TMPRSS6: variants seen among roughly 807,000 people sequenced by gnomAD.
The protein encoded by TMPRSS6 is transmembrane protease serine 6.
Under a neutral mutation model 101.5 loss-of-function variants are expected in TMPRSS6, and 67 were observed. That is an observed-to-expected ratio of 0.66 (90% CI 0.54 to 0.81). The LOEUF (loss-of-function observed/expected upper bound fraction) is 0.81. Ranked by LOEUF, TMPRSS6 falls within the 30% of genes least tolerant of loss-of-function variation. The probability of loss-of-function intolerance (pLI) is 0.00; values close to 1 mark genes in which losing one functional copy is unlikely to be tolerated. For missense variants in TMPRSS6, 1,034 were observed against 1,088.7 expected (o/e 0.95, Z 0.71); for synonymous variants, 453 against 464.9 (o/e 0.97, Z 0.33).
At position 37,103,558 on chromosome 22, in the gene TMPRSS6, A is replaced by G. The variant is rs772065144; in HGVS notation, c.-1-140T>C. The G allele has an allele frequency of 5.6e-6, 9 of 1,613,882 alleles. No individual in the cohort carries two copies. In the South Asian group the frequency reaches 9.9e-5, roughly 18 times the overall value. Reference sequence around the variant, plus strand: ...ACAACATCAGGCGGCAGTGACTGCAAGTGGGTGCCGAGACAGCTCACAGAG... The same window carrying G: ...ACAACATCAGGCGGCAGTGACTGCAGGTGGGTGCCGAGACAGCTCACAGAG... On this transcript the variant is annotated intron_variant, in intron 1 of 17. Coordinates refer to ENST00000676104, the MANE Select transcript of TMPRSS6 (RefSeq NM_001374504.1). The surrounding 1 kb of genome is among the most constrained non-coding windows in gnomAD (Gnocchi z 4.4).
chr22:37,108,070 TC>T (rs1173418866), intron 1 of TMPRSS6, among the ~76,000 whole-genome samples: 1 of 152,170 alleles, frequency 6.6e-6, no homozygotes, highest in African/African-American at 2.4e-5. Flanking sequence ...CCTCCTTTTT[TC>T]CCACCCTCTC....
rs927662747 is a variant in TMPRSS6 at position 37,103,820 on chromosome 22, G to A, written c.-1-402C>T. ...CCTCTTGCCCTCATTTCCCGTCCAC[G>A]CAAGGAATGCTGTTTCTTGCTCCTG... On this transcript the variant is annotated intron_variant, in intron 1 of 17. Coordinates refer to ENST00000676104, the MANE Select transcript of TMPRSS6 (RefSeq NM_001374504.1). This position sits in a 1 kb window ranked among gnomAD's most constrained non-coding sequence, Gnocchi z 4.4. 2.0e-5 allele frequency among the ~76,000 whole-genome samples: 3 copies of A among 152,096 alleles called. No homozygotes were observed. Among genetic ancestry groups the A allele is most frequent in the Admixed American group, 1.3e-4 (2 of 15,270 alleles).
In TMPRSS6 at chr22:37,103,353, G is replaced by A. The variant is rs200558933; in HGVS notation, c.65C>T (p.Ala22Val). The change falls in exon 2 of 18, where the codon GCG becomes GTG. Residue 22 changes from alanine to valine, a missense_variant. Physicochemically the swap from Ala to Val is moderately conservative, Grantham distance 64 (BLOSUM62 0). Coordinates refer to ENST00000676104, the MANE Select transcript of TMPRSS6 (RefSeq NM_001374504.1). The surrounding 1 kb of genome is among the most constrained non-coding windows in gnomAD (Gnocchi z 4.4). ...GGCCTTGAACATCCCCTCCGGCTCC[G>A]CTTCCTCGCCATCACCTCCGTCCCC... ...GQGDGGDGEEAEPEGMFKACE... is the reference protein window; with the variant it reads ...GQGDGGDGEEVEPEGMFKACE... 5.3e-5 allele frequency: 85 copies of A among 1,614,172 alleles called. 2 individuals are homozygous for A. Among genetic ancestry groups the A allele is most frequent in the South Asian group, 4.0e-4 (36 of 91,082 alleles).
chr22:37,100,458 G>A (rs1399915077), intron 2 of TMPRSS6, among the ~76,000 whole-genome samples: 1 of 152,220 alleles, frequency 6.6e-6, no homozygotes, highest in Non-Finnish European at 1.5e-5. Context: ...GAGAGGGTGG[G>A]AAGTGATTGG....
At chr22:37,106,264 G>A (rs1485371934) in intron 1 of TMPRSS6, among the ~76,000 whole-genome samples, 1 of 152,000 alleles carries the variant, frequency 6.6e-6, no homozygotes, top group Non-Finnish European at 1.5e-5. Context: ...TGATCACTGA[G>A]CCCTACTACC....
At chr22:37,086,133 G>A (rs954823493) in intron 8 of TMPRSS6, 150 bp downstream of exon 8, 8 of 1,015,214 alleles carry the variant, frequency 7.9e-6, no homozygotes, top group African/African-American at 1.6e-5. Context: ...GGGCCGGGGT[G>A]GGGAGTGGAG....
rs1258486788 is a variant in TMPRSS6 at position 37,096,801 on chromosome 22, C to T, written c.337-86G>A. The T allele has an allele frequency of 1.5e-5, 19 of 1,301,642 alleles. 1 individual carries two copies. The highest frequency in any genetic ancestry group is 2.5e-5 in the East Asian group (1 of 39,642). The allele number at this position is 1,301,642 out of a possible 1,614,324, so 80.6% of individuals were successfully genotyped here. On this transcript the variant is annotated intron_variant, in intron 3 of 17. Coordinates refer to ENST00000676104, the MANE Select transcript of TMPRSS6 (RefSeq NM_001374504.1). ...TACCTGGAGGTGCCCTTTGCTCCTA[C>T]TGGCAGCCCCGCTCCATGCATGATT...
At position 37,103,294 on chromosome 22, in the gene TMPRSS6, G is replaced by A. The variant is rs747170531; in HGVS notation, c.124C>T (p.Leu42Phe). The A allele has an allele frequency of 3.7e-6, 6 of 1,614,184 alleles. No homozygotes were observed. Among genetic ancestry groups the A allele is most frequent in the Non-Finnish European group, 5.1e-6 (6 of 1,180,014 alleles). Reference protein sequence around the residue: ...EDSKRKARGYLRLVPLFVLLA... With the variant: ...EDSKRKARGYFRLVPLFVLLA... Reference sequence around the variant, plus strand: ...AGCACAAACAGGGGCACCAGGCGGAGGTAGCCCCGGGCTTTTCTCTTGGAG... The same window carrying A: ...AGCACAAACAGGGGCACCAGGCGGAAGTAGCCCCGGGCTTTTCTCTTGGAG... Residue 42 changes from leucine to phenylalanine, a missense_variant, in exon 2 of 18, where the codon CTC becomes TTC. Physicochemically the swap from Leu to Phe is conservative, Grantham distance 22. Coordinates refer to ENST00000676104, the MANE Select transcript of TMPRSS6 (RefSeq NM_001374504.1). The surrounding 1 kb of genome is among the most constrained non-coding windows in gnomAD (Gnocchi z 4.4).
chr22:37,077,606 C>T (rs1927784740), intron 10 of TMPRSS6, among the ~76,000 whole-genome samples: 2 of 152,154 alleles, frequency 1.3e-5, no homozygotes, highest in South Asian at 4.2e-4. Context: ...GAGGCAGATT[C>T]GAAGGTCCCG....
intron 10 of TMPRSS6, among the ~76,000 whole-genome samples, chr22:37,081,174 C>CACAAGCT (rs1046813535): frequency 1.3e-5 from 2 of 152,256 alleles, no homozygotes; most frequent in African/African-American, 2.4e-5. Context: ...TCAGCTTGTG[C>CACAAGCT]CTGCCCAGAG....
upstream of TMPRSS6, among the ~76,000 whole-genome samples, chr22:37,110,303 C>T (rs923605679): frequency 6.6e-6 from 1 of 152,006 alleles, no homozygotes; most frequent in South Asian, 2.1e-4. Flanking sequence ...CCACCATGCC[C>T]GGCTAATTTT....
chr22:37,071,297 C>G (rs900485931), intron 13 of TMPRSS6, among the ~76,000 whole-genome samples: 2 of 152,104 alleles, frequency 1.3e-5, no homozygotes, highest in Non-Finnish European at 2.9e-5. Context: ...CATGCCTCCC[C>G]CTCCAGTGTG....
At chr22:37,076,844 A>AT (rs1366214201) in intron 10 of TMPRSS6, among the ~76,000 whole-genome samples, 2 of 152,232 alleles carry the variant, frequency 1.3e-5, no homozygotes, top group African/African-American at 4.8e-5. Flanking sequence ...GGGAGAGCTG[A>AT]AAATGCCCCT....
chr22:37,077,383 A>AC (rs1374635511), intron 10 of TMPRSS6, among the ~76,000 whole-genome samples: 3 of 151,996 alleles, frequency 2.0e-5, no homozygotes, highest in Non-Finnish European at 2.9e-5. Context: ...AGACTCTGGC[A>AC]CCCCCCTAAG....
intron 4 of TMPRSS6, 148 bp from the exon 5 acceptor site, chr22:37,096,238 G>A: frequency 1.1e-6 from 1 of 888,672 alleles, no homozygotes. Flanking sequence ...CTCTGAAGGA[G>A]GCGCTCTCAT....
At chr22:37,104,524 C>T (rs1207812015) in intron 1 of TMPRSS6, among the ~76,000 whole-genome samples, 1 of 152,224 alleles carries the variant, frequency 6.6e-6, no homozygotes, top group Non-Finnish European at 1.5e-5. Flanking sequence ...TTCAAGCAAA[C>T]ATCCCAATGT....
chr22:37,074,185 G>A (rs1002013532), intron 12 of TMPRSS6, among the ~76,000 whole-genome samples: 2 of 152,188 alleles, frequency 1.3e-5, no homozygotes, highest in African/African-American at 2.4e-5. Flanking sequence ...TTCAGTTTCT[G>A]AATATGAGGT....
At chr22:37,108,834 G>A (rs1352913282) in intron 1 of TMPRSS6, among the ~76,000 whole-genome samples, 1 of 152,170 alleles carries the variant, frequency 6.6e-6, no homozygotes, top group Non-Finnish European at 1.5e-5. Flanking sequence ...GGGCCATAGG[G>A]GCATCTTTCA....
chr22:37,079,017 G>GAAAGAAAGAA (rs374910501), intron 10 of TMPRSS6, among the ~76,000 whole-genome samples: 5 of 93,296 alleles, frequency 5.4e-5, no homozygotes, highest in East Asian at 9.0e-4. Flanking sequence ...AAGAAAGAAA[G>GAAAGAAAGAA]AGAAAGAGAG....
Sources: allele counts gnomAD v4.1 joint callset (sites outside exome capture counted in the v4.1 genomes callset), GRCh38; gene constraint gnomAD v4.1.1; non-coding constraint Gnocchi (gnomAD v3.1); transcripts MANE v1.5; gene names NCBI Gene and HGNC (gene_info 2026-07-23, HGNC 2026-07-21).